RYR3: variants seen among roughly 807,000 people sequenced by gnomAD.
RYR3 encodes the protein ryanodine receptor 3.
In RYR3, 207 loss-of-function variants were observed where a neutral mutation model predicts 584.3. The observed-to-expected ratio is 0.35, with a 90% CI of 0.32 to 0.40. RYR3 has a LOEUF of 0.40. Among genes scored for constraint, RYR3 ranks in the 10% least tolerant of loss-of-function variants. The pLI, the probability that RYR3 is intolerant of heterozygous loss-of-function variation, is 1.00. For missense variants in RYR3, 5,616 were observed against 6,089.2 expected (o/e 0.92, Z 2.59); for synonymous variants, 2,416 against 2,248.5 (o/e 1.07, Z -2.11).
intron 38 of RYR3, among the ~76,000 whole-genome samples, chr15:33,686,872 G>A (rs1032149356): frequency 3.9e-5 from 6 of 152,096 alleles, no homozygotes; most frequent in East Asian, 1.9e-4. Context: ...ATTCAACAGC[G>A]CTTCATGCTA....
At chr15:33,839,585 T>C (rs1269553070) in intron 89 of RYR3, 1 of 152,292 alleles carries the variant, frequency 6.6e-6, no homozygotes, top group African/African-American at 2.4e-5. Flanking sequence ...AGTAGAGAAG[T>C]GTGAAAAGAT....
chr15:33,377,792 CT>C (rs201556362), intron 1 of RYR3, among the ~76,000 whole-genome samples: 339 of 151,516 alleles, frequency 2.2e-3, no homozygotes, highest in African/African-American at 3.8e-3. Flanking sequence ...TTCTAGAAAT[CT>C]TTTTTTTTCC....
At chr15:33,661,241 GAGCC>G (rs1205182974) in intron 34 of RYR3, among the ~76,000 whole-genome samples, 1 of 152,102 alleles carries the variant, frequency 6.6e-6, no homozygotes, top group African/African-American at 2.4e-5. Flanking sequence ...GCAGAGATTA[GAGCC>G]GAGGCCCTGG....
intron 48 of RYR3, among the ~76,000 whole-genome samples, chr15:33,734,934 C>A (rs902734132): frequency 6.6e-6 from 1 of 151,942 alleles, no homozygotes. Flanking sequence ...CAGGTGATCA[C>A]CCCACCTTGA....
chr15:33,507,770 A>T (rs369034832), intron 3 of RYR3, among the ~76,000 whole-genome samples: 1 of 151,936 alleles, frequency 6.6e-6, no homozygotes, highest in East Asian at 1.9e-4. Context: ...CCTATATTGG[A>T]CCAGGTGACC....
intron 67 of RYR3, among the ~76,000 whole-genome samples, chr15:33,792,512 C>A (rs2075223690): frequency 6.6e-6 from 1 of 152,160 alleles, no homozygotes; most frequent in Non-Finnish European, 1.5e-5. Flanking sequence ...GGCTGTGTGT[C>A]CCAGTTCACC....
At chr15:33,739,322 C>A (rs1288169638) in intron 50 of RYR3, among the ~76,000 whole-genome samples, 1 of 152,176 alleles carries the variant, frequency 6.6e-6, no homozygotes, top group Non-Finnish European at 1.5e-5. Context: ...CTCTTCCCAA[C>A]CCCATGCCAT....
intron 1 of RYR3, among the ~76,000 whole-genome samples, chr15:33,435,463 G>A (rs2045604163): frequency 6.6e-6 from 1 of 152,142 alleles, no homozygotes; most frequent in African/African-American, 2.4e-5. Context: ...CTGGATATGT[G>A]TATGTGTGTG....
intron 38 of RYR3, among the ~76,000 whole-genome samples, chr15:33,674,437 A>G (rs1342706044): frequency 6.6e-6 from 1 of 152,126 alleles, no homozygotes; most frequent in Non-Finnish European, 1.5e-5. Flanking sequence ...CTAGTAGTGT[A>G]TGTATGACTT....
intron 41 of RYR3, 113 bp from the exon 42 acceptor site, chr15:33,700,864 G>C: frequency 1.5e-6 from 1 of 658,948 alleles, no homozygotes; most frequent in Non-Finnish European, 2.6e-6. Flanking sequence ...ATGTAAGCCA[G>C]GTTTCAGTGT....
In RYR3 at chr15:33,812,922, A is replaced by G. The variant is rs926203182; in HGVS notation, c.10317A>G (p.Glu3439=). ...LNLYKDVLKS[E]EPFNPEKTVE... The stretch of plus-strand genomic sequence containing the variant: ...TCTACAAGGATGTTCTGAAGAGTGA[A>G]GAACCTTTCAATCCGGAAAAGACAG... Residue 3439 remains glutamate (E), a synonymous_variant, in exon 73 of 104, where the codon GAA becomes GAG. Transcript: ENST00000634891. 1 of 1,613,914 alleles carries G rather than the reference A, an allele frequency of 6.2e-7. No homozygotes were observed. The highest frequency in any genetic ancestry group is 1.3e-5 in the African/African-American group (1 of 74,944).
At chr15:33,595,106 G>A (rs917568505) in intron 16 of RYR3, among the ~76,000 whole-genome samples, 4 of 152,076 alleles carry the variant, frequency 2.6e-5, no homozygotes, top group African/African-American at 9.7e-5. Context: ...ATTTGATTTT[G>A]GAAAGTTTGT....
intron 43 of RYR3, among the ~76,000 whole-genome samples, chr15:33,720,420 C>T (rs2067823288): frequency 6.6e-6 from 1 of 152,188 alleles, no homozygotes; most frequent in South Asian, 2.1e-4. Context: ...GGAGAAATCT[C>T]TGCATCTGAG....
chr15:33,500,606 G>C (rs918993209), intron 2 of RYR3, among the ~76,000 whole-genome samples: 3 of 152,142 alleles, frequency 2.0e-5, no homozygotes, highest in Admixed American at 6.5e-5. Context: ...GTGATGAGGA[G>C]CTATTTCAGA....
At chr15:33,512,769 G>A (rs1278656224) in intron 3 of RYR3, among the ~76,000 whole-genome samples, 2 of 152,128 alleles carry the variant, frequency 1.3e-5, no homozygotes, top group East Asian at 1.9e-4. Flanking sequence ...TATATTTGTT[G>A]GTGGTGGTGG....
Position 33,772,002 on chromosome 15 carries a change from A to C in RYR3, c.8899A>C (p.Thr2967Pro). 5 of 1,613,746 alleles carry C rather than the reference A, an allele frequency of 3.1e-6. No homozygotes were observed. The highest frequency in any genetic ancestry group is 4.2e-6 in the Non-Finnish European group (5 of 1,179,800). Residue 2967 changes from threonine to proline, a missense_variant, in exon 63 of 104, where the codon ACT becomes CCT. Thr to Pro is a conservative substitution (Grantham distance 38). Coordinates refer to ENST00000634891, the MANE Select transcript of RYR3 (RefSeq NM_001036.6). ...FENAAEDLEK[T>P]SENLKLGKFT... Reference sequence around the variant, plus strand: ...AAATGCTGCAGAAGATTTGGAGAAGACTTCAGAAAACCTGAAACTTGGGAA... The same window carrying C: ...AAATGCTGCAGAAGATTTGGAGAAGCCTTCAGAAAACCTGAAACTTGGGAA...
At chr15:33,669,857 G>GGGGGGGGGGGGGGGT (rs1555401713) in intron 37 of RYR3, among the ~76,000 whole-genome samples, 1 of 60,220 alleles carries the variant, frequency 1.7e-5, no homozygotes, top group Non-Finnish European at 3.1e-5. Context: ...GGGGGGGGGG[G>GGGGGGGGGGGGGGGT]GTGTGGGTGT....
At chr15:33,613,116 G>A in intron 18 of RYR3, 67 bp from the exon 19 acceptor site, 1 of 1,292,332 alleles carries the variant, frequency 7.7e-7, no homozygotes. Context: ...AGAGGCCTCT[G>A]AGCCTTTCTC....
intron 2 of RYR3, among the ~76,000 whole-genome samples, chr15:33,492,583 G>A (rs932219372): frequency 6.6e-6 from 1 of 152,296 alleles, no homozygotes; most frequent in East Asian, 1.9e-4. Context: ...ACATTTGGAA[G>A]CCGAGCTGTT....
Sources: allele counts gnomAD v4.1 joint callset (sites outside exome capture counted in the v4.1 genomes callset), GRCh38; gene constraint gnomAD v4.1.1; transcripts MANE v1.5; gene names NCBI Gene and HGNC (gene_info 2026-07-23, HGNC 2026-07-21).